The following OR6N1 variants were observed in gnomAD, a reference collection of about 807,000 sequenced individuals.
OR6N1 encodes olfactory receptor 6N1.
For synonymous variants in OR6N1, 170 were observed against 150.7 expected (o/e 1.13, Z -0.94); for missense variants, 394 against 371.7 (o/e 1.06, Z -0.49).
At chr1:158,817,600 G>C in the OR6N1 span, among the ~76,000 whole-genome samples, 1 of 152,220 alleles carries the variant, frequency 6.6e-6, no homozygotes, top group Non-Finnish European at 1.5e-5. Flanking sequence ...GCAAAACTGA[G>C]TGTGCTCCTT....
chr1:158,801,693 G>A, the OR6N1 span, among the ~76,000 whole-genome samples: 11 of 152,152 alleles, frequency 7.2e-5, no homozygotes, highest in South Asian at 2.1e-3. Context: ...CACCACCCTG[G>A]TAGTCTGTGG....
At chr1:158,802,532 C>T in the OR6N1 span, among the ~76,000 whole-genome samples, 1 of 152,072 alleles carries the variant, frequency 6.6e-6, no homozygotes, top group African/African-American at 2.4e-5. Flanking sequence ...ATCTTTAGCA[C>T]CCCAGAGGTG....
intron 1 of OR6N1, 84 bp from the exon 2 acceptor site, chr1:158,766,784 C>T (rs569753588): frequency 2.6e-6 from 2 of 773,526 alleles, no homozygotes; most frequent in Non-Finnish European, 4.1e-6. Context: ...TACTATTGCC[C>T]TCCCTTCTCT....
At chr1:158,787,268 G>A in the OR6N1 span, among the ~76,000 whole-genome samples, 1 of 152,054 alleles carries the variant, frequency 6.6e-6, no homozygotes, top group African/African-American at 2.4e-5. Context: ...AGGCTCACCA[G>A]AAGCTGAGCA....
At chr1:158,826,180 T>C in the OR6N1 span, among the ~76,000 whole-genome samples, 1 of 152,032 alleles carries the variant, frequency 6.6e-6, no homozygotes, top group African/African-American at 2.4e-5. Flanking sequence ...TCATGCTAAT[T>C]ACCTAGGTGA....
At chr1:158,827,556 T>C in the OR6N1 span, among the ~76,000 whole-genome samples, 13,053 of 152,272 alleles carry the variant, frequency 0.086, 659 homozygotes, top group East Asian at 0.12. Flanking sequence ...TATCATCTAT[T>C]TTTTGCAATA....
At chr1:158,820,805 A>G in the OR6N1 span, among the ~76,000 whole-genome samples, 1 of 152,336 alleles carries the variant, frequency 6.6e-6, no homozygotes, top group South Asian at 2.1e-4. Flanking sequence ...TTCATTTCCA[A>G]CAAGGGCAAG....
chr1:158,771,160 T>C (rs1331274095), intron 1 of OR6N1, among the ~76,000 whole-genome samples: 4 of 152,220 alleles, frequency 2.6e-5, no homozygotes, highest in Admixed American at 2.6e-4. Flanking sequence ...GTCATTTTTT[T>C]CCCTGACCAT....
At chr1:158,780,482 T>C in the OR6N1 span, among the ~76,000 whole-genome samples, 1 of 152,192 alleles carries the variant, frequency 6.6e-6, no homozygotes, top group Non-Finnish European at 1.5e-5. Flanking sequence ...GCTCCTCGAC[T>C]TACAAAGGGG....
At chr1:158,808,104 A>G in the OR6N1 span, among the ~76,000 whole-genome samples, 1 of 113,190 alleles carries the variant, frequency 8.8e-6, no homozygotes, top group African/African-American at 3.1e-5. Context: ...AATAATTCTG[A>G]TCCTGTCAAT....
chr1:158,825,158 G>A, the OR6N1 span, among the ~76,000 whole-genome samples: 18 of 152,092 alleles, frequency 1.2e-4, no homozygotes, highest in Non-Finnish European at 2.4e-4. Flanking sequence ...GTGAGCAAAG[G>A]GCCAGGCGCA....
the OR6N1 span, among the ~76,000 whole-genome samples, chr1:158,798,068 T>G: frequency 6.6e-6 from 1 of 152,024 alleles, no homozygotes; most frequent in East Asian, 1.9e-4. Flanking sequence ...AATATGTTAT[T>G]ATAACTTTAA....
rs1337228602 is a variant in OR6N1 at position 158,764,493 on chromosome 1, G to A, written c.*1251C>T. On this transcript the variant is annotated 3_prime_UTR_variant, in exon 2 of 2. Transcript: ENST00000641846. ...GAGTTGACACTGCATCTGATATATAGTAAGAGCTAAATAAACGTGTTAATT... is the reference window on the plus strand; with the variant it reads ...GAGTTGACACTGCATCTGATATATAATAAGAGCTAAATAAACGTGTTAATT... 2 of 151,926 alleles carry A rather than the reference G, an allele frequency of 1.3e-5. No individual in the cohort carries two copies. The highest frequency in any genetic ancestry group is 2.4e-5 in the African/African-American group (1 of 41,386). 9.4% of individuals were successfully genotyped at this position (151,926 alleles called of 1,614,324 possible). A position where few individuals can be genotyped will look rare whatever the true frequency, so the allele number is the denominator to read the frequency against.
chr1:158,814,318 G>A, the OR6N1 span, among the ~76,000 whole-genome samples: 1 of 152,188 alleles, frequency 6.6e-6, no homozygotes, highest in Admixed American at 6.5e-5. Flanking sequence ...GTGTGTGTAT[G>A]TATATACATA....
the OR6N1 span, among the ~76,000 whole-genome samples, chr1:158,811,041 C>T: frequency 2.2e-4 from 34 of 152,168 alleles, no homozygotes; most frequent in African/African-American, 6.5e-4. Flanking sequence ...TCCCACTCTC[C>T]ACCCTCCAAA....
chr1:158,769,138 G>A (rs1322001312), intron 1 of OR6N1, among the ~76,000 whole-genome samples: 2 of 152,004 alleles, frequency 1.3e-5, no homozygotes, highest in Non-Finnish European at 2.9e-5. Context: ...GATAAATCAG[G>A]AAAATTTCAT....
chr1:158,821,949 G>T, the OR6N1 span, among the ~76,000 whole-genome samples: 2 of 152,154 alleles, frequency 1.3e-5, no homozygotes, highest in South Asian at 4.1e-4. Context: ...GGTATTGTCA[G>T]CATTTTGGAT....
upstream of OR6N1, chr1:158,775,056 T>C (rs1191397477): frequency 6.6e-6 from 1 of 152,224 alleles, no homozygotes; most frequent in Non-Finnish European, 1.5e-5. Flanking sequence ...ATAAAAAATC[T>C]GAAATAATTT....
At chr1:158,812,072 C>T in the OR6N1 span, among the ~76,000 whole-genome samples, 1 of 152,162 alleles carries the variant, frequency 6.6e-6, no homozygotes, top group African/African-American at 2.4e-5. Flanking sequence ...ATTAGTTTAT[C>T]TTTCATAGTC....
Sources: allele counts gnomAD v4.1 joint callset (sites outside exome capture counted in the v4.1 genomes callset), GRCh38; gene constraint gnomAD v4.1.1; transcripts MANE v1.5; gene names NCBI Gene and HGNC (gene_info 2026-07-23, HGNC 2026-07-21).